Variants in MTUS2 observed in about 807,000 individuals in gnomAD.
MTUS2 encodes the protein microtubule associated scaffold protein 2, also known as microtubule-associated tumor suppressor candidate 2.
A neutral mutation model predicts 114.1 loss-of-function variants in MTUS2; 40 were observed. The ratio of observed to expected loss-of-function variants is 0.35; its 90% CI spans 0.27 to 0.46. The LOEUF is 0.46. Among genes scored for constraint, MTUS2 ranks in the 20% least tolerant of loss-of-function variants. The pLI is 1.00. For synonymous variants in MTUS2, 688 were observed against 672.0 expected, an observed-to-expected ratio of 1.02 and a Z score of -0.37; for missense variants, 1,679 against 1,705.4, an observed-to-expected ratio of 0.98 and a Z score of 0.27.
intron 4 of MTUS2, among the ~76,000 whole-genome samples, chr13:29,067,716 A>C (rs540332138): frequency 6.6e-6 from 1 of 152,246 alleles, no homozygotes; most frequent in African/African-American, 2.4e-5. Context: ...AGAGATTGGA[A>C]GGAATGTGAA....
At chr13:29,447,208 T>C (rs1878347508) in intron 9 of MTUS2, among the ~76,000 whole-genome samples, 1 of 152,158 alleles carries the variant, frequency 6.6e-6, no homozygotes, top group Non-Finnish European at 1.5e-5. Flanking sequence ...GACAGGGCAC[T>C]CTGGTGTCAA....
chr13:29,254,822 C>CT (rs1897242361), intron 5 of MTUS2, among the ~76,000 whole-genome samples: 1 of 152,186 alleles, frequency 6.6e-6, no homozygotes, highest in Admixed American at 6.6e-5. Flanking sequence ...AGTTTTTCAT[C>CT]TTTTTGTACT....
chr13:28,935,006 GTTTTTTT>G (rs775863792), intron 2 of MTUS2, among the ~76,000 whole-genome samples: 5 of 41,438 alleles, frequency 1.2e-4, no homozygotes, highest in African/African-American at 2.5e-4. Context: ...TCTCCATAGC[GTTTTTTT>G]TTTTTTTTTT....
chr13:29,087,112 A>C (rs1195529379), intron 4 of MTUS2, among the ~76,000 whole-genome samples: 2 of 152,000 alleles, frequency 1.3e-5, no homozygotes, highest in Non-Finnish European at 2.9e-5. Context: ...TTGCCTGATT[A>C]CTCTGGCTAG....
intron 6 of MTUS2, among the ~76,000 whole-genome samples, chr13:29,297,156 A>G (rs973723411): frequency 1.3e-5 from 2 of 152,058 alleles, no homozygotes; most frequent in African/African-American, 4.8e-5. Context: ...ATTTTTCTGC[A>G]TATGGATGTA....
chr13:28,898,230 A>G (rs1439198389), intron 2 of MTUS2, among the ~76,000 whole-genome samples: 1 of 152,222 alleles, frequency 6.6e-6, no homozygotes, highest in African/African-American at 2.4e-5. Context: ...AACCAAGCAC[A>G]GAACCCTTCC....
At position 29,503,063 on chromosome 13, in the gene MTUS2, A is replaced by G. The variant is rs1236144429; in HGVS notation, c.3967A>G (p.Ser1323Gly). ...GGAAACCCAGGAGAAGAAGAGATTG[A>G]GCCGAACCAATGAAGAGCTGCTTTG... ...EKETQEKKRL[S>G]RTNEELLWKL... The change falls in exon 16 of 16, where the codon AGC (serine) becomes GGC (glycine). Residue 1323 changes from serine (S) to glycine (G), a missense_variant. Transcript: ENST00000612955. The G allele has an allele frequency of 1.9e-6, 3 of 1,614,232 alleles. No individual in the cohort carries two copies. The highest frequency in any genetic ancestry group is 1.7e-6 in the Non-Finnish European group (2 of 1,180,034).
intron 5 of MTUS2, among the ~76,000 whole-genome samples, chr13:29,124,442 G>C (rs1891432500): frequency 2.6e-5 from 4 of 152,128 alleles, no homozygotes. Flanking sequence ...ACAAGTGTTG[G>C]TGAGGATGTG....
intron 2 of MTUS2, among the ~76,000 whole-genome samples, chr13:28,917,031 A>T (rs1331250793): frequency 6.6e-6 from 1 of 151,702 alleles, no homozygotes; most frequent in East Asian, 1.9e-4. Context: ...TGATTATATG[A>T]TTTTTGTCCT....
At chr13:29,001,324 A>G (rs191793113) in intron 2 of MTUS2, among the ~76,000 whole-genome samples, 162 of 152,310 alleles carry the variant, frequency 1.1e-3, no homozygotes, top group African/African-American at 3.8e-3. Flanking sequence ...GATCTCACTG[A>G]GGAAAGATGG....
chr13:28,998,856 G>A (rs1383068907), intron 2 of MTUS2, among the ~76,000 whole-genome samples: 4 of 152,132 alleles, frequency 2.6e-5, no homozygotes, highest in Admixed American at 6.6e-5. Flanking sequence ...TTAGCTCGGA[G>A]TAGTTTGATC....
intron 6 of MTUS2, among the ~76,000 whole-genome samples, chr13:29,287,545 C>G (rs1029882569): frequency 2.0e-5 from 3 of 152,034 alleles, no homozygotes; most frequent in African/African-American, 7.3e-5. Context: ...TCCTCCCTCA[C>G]TGAACACATG....
At chr13:29,257,884 G>C (rs540027477) in intron 5 of MTUS2, among the ~76,000 whole-genome samples, 5 of 152,318 alleles carry the variant, frequency 3.3e-5, no homozygotes, top group African/African-American at 7.2e-5. Flanking sequence ...ATGGCTCCAG[G>C]GGGCCAGGGT....
At position 29,324,708 on chromosome 13, in the gene MTUS2, C is replaced by G. The variant is rs979607407; in HGVS notation, c.2902C>G (p.Pro968Ala). 1 of 1,592,354 alleles carries G rather than the reference C, an allele frequency of 6.3e-7. No homozygotes were observed. Among genetic ancestry groups the G allele is most frequent in the South Asian group, 1.1e-5 (1 of 87,222 alleles). ...AGCTTCAACCACCAAGCTTCATTCA[C>G]CAGGTATGTAAGAAATATGATGTGT... ...VAASTTKLHSPGYPKQRTAAA... is the reference protein window; with the variant it reads ...VAASTTKLHSAGYPKQRTAAA... Residue 968 changes from proline (P) to alanine (A), a missense_variant, in exon 7 of 16, where the codon CCA (proline) becomes GCA (alanine). This residue lies in a region of MTUS2 where 822 missense variants were observed against 899.7 expected (regional missense o/e 0.91). Coordinates refer to ENST00000612955, the MANE Select transcript of MTUS2 (RefSeq NM_001033602.4).
chr13:28,828,058 C>T (rs1874393064), intron 1 of MTUS2, among the ~76,000 whole-genome samples: 1 of 152,126 alleles, frequency 6.6e-6, no homozygotes, highest in Non-Finnish European at 1.5e-5. Context: ...GAGACTGGGG[C>T]TTATTTCACC....
intron 5 of MTUS2, among the ~76,000 whole-genome samples, chr13:29,127,171 A>T (rs1402965928): frequency 6.6e-6 from 1 of 152,092 alleles, no homozygotes; most frequent in African/African-American, 2.4e-5. Context: ...TCCTCCAGAG[A>T]TCCTTACCTG....
At chr13:29,264,162 C>T (rs1313526634) in intron 5 of MTUS2, among the ~76,000 whole-genome samples, 4 of 152,254 alleles carry the variant, frequency 2.6e-5, no homozygotes, top group Non-Finnish European at 4.4e-5. Flanking sequence ...AGGCCCCACA[C>T]GAATCCAAAA....
rs987892869 is a variant in MTUS2, at chr13:29,026,348, A to T, written c.1650A>T (p.Thr550=). The T allele has an allele frequency of 1.2e-6, 2 of 1,613,802 alleles. No homozygotes were observed. Among genetic ancestry groups the T allele is most frequent in the Middle Eastern group, 1.6e-4 (1 of 6,062 alleles). Reference sequence around the variant, plus strand: ...TGAACATGACCTACCAGCCTACAACACCCAGTAGCAGTTTTCAGGATGTTA... The same window carrying T: ...TGAACATGACCTACCAGCCTACAACTCCCAGTAGCAGTTTTCAGGATGTTA... ...TTVNMTYQPT[T]PSSSFQDVSV... The change falls in exon 3 of 16, where the codon ACA becomes ACT. Residue 550 remains threonine, a synonymous_variant. Coordinates refer to ENST00000612955, the MANE Select transcript of MTUS2 (RefSeq NM_001033602.4).
chr13:28,944,821 T>A (rs1256887536), intron 2 of MTUS2, among the ~76,000 whole-genome samples: 1 of 152,224 alleles, frequency 6.6e-6, no homozygotes, highest in Non-Finnish European at 1.5e-5. Flanking sequence ...TTTTTCTCTT[T>A]TACTGTCTTA....
Sources: allele counts gnomAD v4.1 joint callset (sites outside exome capture counted in the v4.1 genomes callset), GRCh38; gene constraint gnomAD v4.1.1; regional missense constraint gnomAD v4.1.1; transcripts MANE v1.5; gene names NCBI Gene and HGNC (gene_info 2026-07-23, HGNC 2026-07-21).